ZNF736: variants seen among roughly 807,000 people sequenced by gnomAD.
ZNF736 encodes the protein KRAB-containing zinc-finger repressor protein.
ZNF736 carries 6 observed loss-of-function variants against 11.7 expected under a neutral mutation model. The ratio of observed to expected loss-of-function variants is 0.51; its 90% CI spans 0.28 to 1.01. ZNF736 has a LOEUF of 1.01. Ranked by LOEUF, ZNF736 falls within the 50% of genes least tolerant of loss-of-function variation. ZNF736 has a pLI of 0.09. For synonymous variants in ZNF736, 139 were observed against 164.7 expected (o/e 0.84, Z 1.19); for missense variants, 444 against 496.0 (o/e 0.90, Z 1.00).
At position 64,349,633 on chromosome 7, in the gene ZNF736, GT is replaced by G. The variant is rs1281857009; in HGVS notation, c.*489del. ...TCTTAGCTGGCTATTTTGCACATTT[GT>G]TTCTGTGGTTGCTTTATAGTGTCCA... On this transcript the variant is annotated 3_prime_UTR_variant, in exon 4 of 4. Transcript: ENST00000423484. 1.9e-5 allele frequency: 3 copies of G among 154,220 alleles called. No homozygotes were observed. Among genetic ancestry groups the G allele is most frequent in the Non-Finnish European group, 2.9e-5 (2 of 69,496 alleles). 9.6% of individuals were successfully genotyped at this position (154,220 alleles called of 1,614,324 possible).
chr7:64,321,667 C>A (rs940885025), intron 1 of ZNF736, among the ~76,000 whole-genome samples: 11 of 152,174 alleles, frequency 7.2e-5, no homozygotes, highest in African/African-American at 2.7e-4. Context: ...GGAGGACTCA[C>A]CCCTTACACT....
At chr7:64,327,159 ATCTC>A (rs528693301) in intron 1 of ZNF736, among the ~76,000 whole-genome samples, 1 of 152,056 alleles carries the variant, frequency 6.6e-6, no homozygotes, top group African/African-American at 2.4e-5. Flanking sequence ...ACTGGAGTTG[ATCTC>A]TCTCTCTTTA....
At chr7:64,337,923 T>A (rs1789283120) in intron 3 of ZNF736, among the ~76,000 whole-genome samples, 1 of 152,004 alleles carries the variant, frequency 6.6e-6, no homozygotes, top group Non-Finnish European at 1.5e-5. Context: ...CCCGGCTAAT[T>A]TTGTATTTTT....
In ZNF736 at chr7:64,354,457, C is replaced by A. The variant is rs1292964023; in HGVS notation, c.*5310C>A. 6.6e-6 allele frequency: 1 copy of A among 152,132 alleles called. No individual in the cohort carries two copies. The highest frequency in any genetic ancestry group is 2.4e-5 in the African/African-American group (1 of 41,442). 9.4% of individuals were successfully genotyped at this position (152,132 alleles called of 1,614,324 possible). A position where few individuals can be genotyped will look rare whatever the true frequency, so the allele number is the denominator to read the frequency against. ...TCACTTACCAGCAAACCAGAAACTT[C>A]AGAGATTTTGAAAGCAAATCTATTT... On this transcript the variant is annotated 3_prime_UTR_variant, in exon 4 of 4. Coordinates refer to ENST00000423484, the MANE Select transcript of ZNF736 (RefSeq NM_001170905.3).
At chr7:64,327,258 G>T (rs1438040946) in intron 1 of ZNF736, among the ~76,000 whole-genome samples, 1 of 152,016 alleles carries the variant, frequency 6.6e-6, no homozygotes, top group Non-Finnish European at 1.5e-5. Flanking sequence ...TGCTGAATTG[G>T]CCACTTTATT....
chr7:64,323,180 G>A (rs1007262507), intron 1 of ZNF736, among the ~76,000 whole-genome samples: 2 of 152,098 alleles, frequency 1.3e-5, no homozygotes, highest in African/African-American at 4.8e-5. Flanking sequence ...TAAATTCTGT[G>A]AGTTCTTTTT....
Position 64,333,096 on chromosome 7 carries a change from A to G in ZNF736, c.4-3163A>G, listed in dbSNP as rs137975935. Among the ~76,000 whole-genome samples, 525 of 152,336 alleles carry G rather than the reference A, an allele frequency of 3.4e-3. 17 individuals carry two copies. The East Asian group carries it at 0.092, about 27-fold the overall frequency. On this transcript the variant is annotated intron_variant, in intron 1 of 3. Coordinates refer to ENST00000423484, the MANE Select transcript of ZNF736 (RefSeq NM_001170905.3). ...AGTAAAGACAGGCATAAGAAATTAC[A>G]AAAGTATTATTTGGGAACTGATAAA...
At chr7:64,341,422 G>A (rs917594331) in intron 3 of ZNF736, among the ~76,000 whole-genome samples, 4 of 151,972 alleles carry the variant, frequency 2.6e-5, no homozygotes, top group African/African-American at 4.8e-5. Context: ...AATGAGCCAC[G>A]CTATAGATTT....
Position 64,319,488 on chromosome 7 carries a change from C to CTTTTTTTTTTTTTTTTTTTTTT in ZNF736, c.3+5335_3+5336insTTTTTTTTTTTTTTTTTTTTTT, listed in dbSNP as rs1408764142. On this transcript the variant is annotated intron_variant, in intron 1 of 3. Transcript: ENST00000423484. Reference sequence around the variant, plus strand: ...CCAGGTAAATAGAAAACATTTCTTCCCTTTTTTTTTTTTTTTTTTTTTTTT... The same window carrying CTTTTTTTTTTTTTTTTTTTTTT: ...CCAGGTAAATAGAAAACATTTCTTCCTTTTTTTTTTTTTTTTTTTTTTCTTTTTTTTTTTTTTTTTTTTTTTT... Among the ~76,000 whole-genome samples the CTTTTTTTTTTTTTTTTTTTTTT allele has an allele frequency of 4.0e-5, 3 of 75,248 alleles. 1 individual carries two copies. Among genetic ancestry groups the CTTTTTTTTTTTTTTTTTTTTTT allele is most frequent in the African/African-American group, 1.6e-4 (3 of 18,344 alleles). 49.4% of individuals were successfully genotyped at this position (75,248 alleles called of 152,430 possible). A position where few individuals can be genotyped will look rare whatever the true frequency, so the allele number is the denominator to read the frequency against.
rs1305384868 is a variant in ZNF736, at chr7:64,349,250, A to G, written c.*103A>G. On this transcript the variant is annotated 3_prime_UTR_variant, in exon 4 of 4. Transcript: ENST00000423484. ...ATGTAATGACAGTGGAAGAACATTT[A>G]TCATCTTAGAGGGTCTCTAAGAACT... 15 of 1,081,272 alleles carry G rather than the reference A, an allele frequency of 1.4e-5. No homozygotes were observed. The highest frequency in any genetic ancestry group is 2.5e-4 in the Middle Eastern group (1 of 4,066). The allele number at this position is 1,081,272 out of a possible 1,614,324, so 67.0% of individuals were successfully genotyped here. A position where few individuals can be genotyped will look rare whatever the true frequency, so the allele number is the denominator to read the frequency against.
At chr7:64,320,543 A>T (rs1309132636) in intron 1 of ZNF736, among the ~76,000 whole-genome samples, 1 of 152,152 alleles carries the variant, frequency 6.6e-6, no homozygotes, top group Non-Finnish European at 1.5e-5. Flanking sequence ...CTCCAATTTG[A>T]TCTCAGCTAG....
chr7:64,336,862 C>CA, intron 2 of ZNF736, 25 bp from the exon 3 acceptor site: 1 of 1,539,578 alleles, frequency 6.5e-7, no homozygotes, highest in Non-Finnish European at 8.8e-7. Flanking sequence ...TAGCAAGAGT[C>CA]ATGTTTTTTT....
chr7:64,345,732 T>TAAAAAAA (rs60388880), intron 3 of ZNF736, among the ~76,000 whole-genome samples: 26 of 82,862 alleles, frequency 3.1e-4, no homozygotes, highest in East Asian at 1.3e-3. Flanking sequence ...TACTCCATCT[T>TAAAAAAA]AAAAAAAAAA....
At chr7:64,335,750 T>C (rs918879313) in intron 1 of ZNF736, among the ~76,000 whole-genome samples, 5 of 152,230 alleles carry the variant, frequency 3.3e-5, no homozygotes, top group African/African-American at 1.2e-4. Context: ...GCTGTGCCAC[T>C]TACTGAATTT....
intron 1 of ZNF736, among the ~76,000 whole-genome samples, chr7:64,315,205 G>A (rs62463887): frequency 0.056 from 8,456 of 152,196 alleles, 375 homozygotes; most frequent in Admixed American, 0.14. Context: ...GGAACCATGA[G>A]CCAATTAATC....
At chr7:64,335,411 C>G (rs1405136036) in intron 1 of ZNF736, among the ~76,000 whole-genome samples, 1 of 152,110 alleles carries the variant, frequency 6.6e-6, no homozygotes, top group Non-Finnish European at 1.5e-5. Context: ...ATTGTTGACC[C>G]TTTTTTGTGT....
At chr7:64,315,582 C>T (rs1365021857) in intron 1 of ZNF736, among the ~76,000 whole-genome samples, 1 of 152,116 alleles carries the variant, frequency 6.6e-6, no homozygotes, top group Non-Finnish European at 1.5e-5. Flanking sequence ...ATTCCTTCGA[C>T]GTAGTTAGGT....
At chr7:64,342,671 A>G (rs1343799791) in intron 3 of ZNF736, among the ~76,000 whole-genome samples, 1 of 152,062 alleles carries the variant, frequency 6.6e-6, no homozygotes, top group African/African-American at 2.4e-5. Context: ...GTGTGTAACA[A>G]CTATGCCTGT....
chr7:64,316,749 A>C (rs1272767390), intron 1 of ZNF736, among the ~76,000 whole-genome samples: 1 of 152,260 alleles, frequency 6.6e-6, no homozygotes, highest in Non-Finnish European at 1.5e-5. Context: ...GATTAAAAAA[A>C]AAATTTTCTA....
Sources: allele counts gnomAD v4.1 joint callset (sites outside exome capture counted in the v4.1 genomes callset), GRCh38; gene constraint gnomAD v4.1.1; transcripts MANE v1.5; gene names NCBI Gene and HGNC (gene_info 2026-07-23, HGNC 2026-07-21).